HEMK2: variants seen among roughly 807,000 people sequenced by gnomAD.
The protein encoded by HEMK2 is HemK methyltransferase 2, ETF1 glutamine and histone H4 lysine.
At chr21:28,766,640 C>T in the HEMK2 span, among the ~76,000 whole-genome samples, 12,810 of 151,804 alleles carry the variant, frequency 0.084, 1,235 homozygotes, top group African/African-American at 0.23. Flanking sequence ...AAAGAAAATA[C>T]GGTATATATA....
chr21:28,607,266 C>T, the HEMK2 span, among the ~76,000 whole-genome samples: 1 of 152,026 alleles, frequency 6.6e-6, no homozygotes, highest in African/African-American at 2.4e-5. Context: ...AAAAAATTAG[C>T]CAGGCATGGT....
the HEMK2 span, among the ~76,000 whole-genome samples, chr21:28,865,462 C>G: frequency 6.6e-6 from 1 of 152,210 alleles, no homozygotes; most frequent in African/African-American, 2.4e-5. Flanking sequence ...CCACCACGCC[C>G]AGCCTAGAAT....
chr21:28,836,170 C>T, the HEMK2 span, among the ~76,000 whole-genome samples: 1 of 152,258 alleles, frequency 6.6e-6, no homozygotes, highest in South Asian at 2.1e-4. Flanking sequence ...AGATCTTCAC[C>T]TAGGCACATT....
At chr21:28,679,099 C>T in the HEMK2 span, among the ~76,000 whole-genome samples, 1 of 152,076 alleles carries the variant, frequency 6.6e-6, no homozygotes, top group African/African-American at 2.4e-5. Flanking sequence ...CACAGACTGG[C>T]AAATTGGATA....
chr21:28,880,507 G>A, the HEMK2 span, among the ~76,000 whole-genome samples: 9 of 152,048 alleles, frequency 5.9e-5, no homozygotes, highest in Non-Finnish European at 7.4e-5. Flanking sequence ...CGAGGCGGGC[G>A]GATCATCCGA....
the HEMK2 span, among the ~76,000 whole-genome samples, chr21:28,713,491 T>C: frequency 6.6e-6 from 1 of 152,156 alleles, no homozygotes; most frequent in Non-Finnish European, 1.5e-5. Context: ...CAACCTTTAG[T>C]TCCCCAGGAA....
chr21:28,687,938 G>A, the HEMK2 span, among the ~76,000 whole-genome samples: 1 of 151,986 alleles, frequency 6.6e-6, no homozygotes, highest in African/African-American at 2.4e-5. Context: ...TAAGTCTTGG[G>A]GTCTTTTTAC....
the HEMK2 span, among the ~76,000 whole-genome samples, chr21:28,775,853 G>C: frequency 6.6e-6 from 1 of 152,020 alleles, no homozygotes; most frequent in African/African-American, 2.4e-5. Context: ...TGTTATTTAA[G>C]AGAAAATAAA....
At chr21:28,771,521 C>CCCCCCCCCCCCCCCCCCCCCCCCCCCCCA in the HEMK2 span, among the ~76,000 whole-genome samples, 1 of 131,474 alleles carries the variant, frequency 7.6e-6, no homozygotes, top group Non-Finnish European at 1.6e-5. Flanking sequence ...ATGCACCACC[C>CCCCCCCCCCCCCCCCCCCCCCCCCCCCCA]CCCCCCGCCA....
chr21:28,706,068 A>G, the HEMK2 span, among the ~76,000 whole-genome samples: 25 of 152,190 alleles, frequency 1.6e-4, no homozygotes, highest in African/African-American at 5.1e-4. Context: ...AAGAATTAGG[A>G]TGTAGACATC....
chr21:28,854,611 A>T, the HEMK2 span, among the ~76,000 whole-genome samples: 382 of 152,342 alleles, frequency 2.5e-3, 3 homozygotes, highest in African/African-American at 8.8e-3. Flanking sequence ...CTGAGGAGCA[A>T]GGAGAGCCAG....
chr21:28,861,120 T>C, the HEMK2 span, among the ~76,000 whole-genome samples: 1 of 152,224 alleles, frequency 6.6e-6, no homozygotes, highest in African/African-American at 2.4e-5. Context: ...CCTGCATCTT[T>C]GAAGAGTCTT....
the HEMK2 span, among the ~76,000 whole-genome samples, chr21:28,859,732 A>C: frequency 0.078 from 11,910 of 152,002 alleles, 1,106 homozygotes; most frequent in African/African-American, 0.21. Flanking sequence ...CTGGAAGGAG[A>C]AGCAGCAGCT....
the HEMK2 span, among the ~76,000 whole-genome samples, chr21:28,669,157 G>C: frequency 2.6e-5 from 4 of 152,136 alleles, no homozygotes; most frequent in Non-Finnish European, 5.9e-5. Flanking sequence ...TCAGGAGTTT[G>C]AGACCATCCT....
At chr21:28,808,411 CAA>C in the HEMK2 span, among the ~76,000 whole-genome samples, 6 of 126,896 alleles carry the variant, frequency 4.7e-5, no homozygotes, top group Admixed American at 8.0e-5. Flanking sequence ...TCTACCCTTC[CAA>C]AAAAAAAAAA....
the HEMK2 span, among the ~76,000 whole-genome samples, chr21:28,720,095 T>C: frequency 2.6e-5 from 4 of 152,214 alleles, no homozygotes; most frequent in Non-Finnish European, 5.9e-5. Context: ...GCTGAAGTGT[T>C]GTCTAGTATA....
At chr21:28,587,479 A>G in the HEMK2 span, among the ~76,000 whole-genome samples, 3 of 152,182 alleles carry the variant, frequency 2.0e-5, no homozygotes, top group Non-Finnish European at 4.4e-5. Flanking sequence ...ACTGTGACAA[A>G]TTTCTAAGAC....
the HEMK2 span, among the ~76,000 whole-genome samples, chr21:28,616,192 T>C: frequency 6.6e-6 from 1 of 152,146 alleles, no homozygotes; most frequent in African/African-American, 2.4e-5. Context: ...CTTTAAAAGA[T>C]TTTTCAAGGC....
chr21:28,783,953 G>A, the HEMK2 span, among the ~76,000 whole-genome samples: 12,464 of 152,222 alleles, frequency 0.082, 1,167 homozygotes, highest in African/African-American at 0.22. Flanking sequence ...GCCTGCCGGC[G>A]CTGAGCTCTA....
Sources: allele counts gnomAD v4.1 joint callset (sites outside exome capture counted in the v4.1 genomes callset), GRCh38; gene constraint gnomAD v4.1.1; transcripts MANE v1.5; gene names NCBI Gene and HGNC (gene_info 2026-07-23, HGNC 2026-07-21).